Variants in AKAP6 observed in about 807,000 individuals in gnomAD.
AKAP6 encodes the protein A-kinase anchor protein 6.
A neutral mutation model predicts 188.5 loss-of-function variants in AKAP6; 58 were observed. The observed-to-expected ratio is 0.31, with a 90% CI of 0.25 to 0.38. AKAP6 has a LOEUF of 0.38. AKAP6 is among the 10% of genes least tolerant of loss of function. The probability of loss-of-function intolerance (pLI) is 1.00; values close to 1 mark genes in which losing one functional copy is unlikely to be tolerated. For synonymous variants in AKAP6, 989 were observed against 998.6 expected (o/e 0.99, Z 0.18); for missense variants, 2,710 against 2,740.0 (o/e 0.99, Z 0.24).
At chr14:32,597,515 G>A (rs892267549) in intron 5 of AKAP6, among the ~76,000 whole-genome samples, 3 of 152,126 alleles carry the variant, frequency 2.0e-5, no homozygotes, top group Admixed American at 6.6e-5. Flanking sequence ...GTGCAGGCAC[G>A]TTTTGACTAT....
intron 13 of AKAP6, among the ~76,000 whole-genome samples, chr14:32,826,255 A>C (rs1401512096): frequency 6.6e-6 from 1 of 152,186 alleles, no homozygotes. Flanking sequence ...ATATAGCTCA[A>C]CTAATTTTCT....
At chr14:32,784,973 A>G (rs1002027151) in intron 12 of AKAP6, among the ~76,000 whole-genome samples, 2 of 152,078 alleles carry the variant, frequency 1.3e-5, no homozygotes, top group Non-Finnish European at 2.9e-5. Context: ...ATACAAGAAG[A>G]ATCATATAAA....
chr14:32,469,071 A>C (rs1412643271), intron 2 of AKAP6, among the ~76,000 whole-genome samples: 2 of 152,134 alleles, frequency 1.3e-5, no homozygotes, highest in Non-Finnish European at 2.9e-5. Context: ...CTGTTTTGTC[A>C]TACCTCCCTG....
chr14:32,660,926 C>G (rs1040696120), intron 7 of AKAP6, among the ~76,000 whole-genome samples: 2 of 76,536 alleles, frequency 2.6e-5, no homozygotes, highest in Non-Finnish European at 5.0e-5. Context: ...TCCCCGCCAC[C>G]CCCCCCCCTC....
At chr14:32,449,521 C>CAAAAA (rs33960351) in intron 2 of AKAP6, among the ~76,000 whole-genome samples, 4 of 104,604 alleles carry the variant, frequency 3.8e-5, no homozygotes, top group Admixed American at 1.1e-4. Context: ...GACTCCATCT[C>CAAAAA]AAAAAAAAAA....
intron 7 of AKAP6, among the ~76,000 whole-genome samples, chr14:32,603,671 A>G (rs1886021406): frequency 6.6e-6 from 1 of 152,206 alleles, no homozygotes; most frequent in Non-Finnish European, 1.5e-5. Context: ...TGAATAAGAG[A>G]ATGTCTGTTG....
At chr14:32,716,642 A>C (rs2139771016) in intron 9 of AKAP6, among the ~76,000 whole-genome samples, 1 of 144,604 alleles carries the variant, frequency 6.9e-6, no homozygotes, top group Admixed American at 7.1e-5. Context: ...AATGTATATT[A>C]ATTATATATT....
intron 4 of AKAP6, among the ~76,000 whole-genome samples, chr14:32,573,967 A>G (rs1355619789): frequency 6.6e-6 from 1 of 152,208 alleles, no homozygotes; most frequent in Non-Finnish European, 1.5e-5. Flanking sequence ...ACCCGGTGAT[A>G]GTACACAGAT....
chr14:32,348,848 G>A (rs912067208), intron 1 of AKAP6, among the ~76,000 whole-genome samples: 4 of 152,296 alleles, frequency 2.6e-5, no homozygotes, highest in Non-Finnish European at 4.4e-5. Context: ...GAGGTGCCAA[G>A]TGGCCCTAAA....
intron 7 of AKAP6, among the ~76,000 whole-genome samples, chr14:32,606,169 G>T (rs1473268499): frequency 6.6e-6 from 1 of 152,158 alleles, no homozygotes. Flanking sequence ...TCACATCTAA[G>T]AATTGAAAAT....
intron 1 of AKAP6, among the ~76,000 whole-genome samples, chr14:32,401,142 G>A (rs1332793616): frequency 6.6e-6 from 1 of 152,164 alleles, no homozygotes; most frequent in Non-Finnish European, 1.5e-5. Flanking sequence ...GCTAATCTAG[G>A]GTATAGGGGC....
chr14:32,445,207 C>T (rs1036181016), intron 2 of AKAP6, among the ~76,000 whole-genome samples: 1 of 152,126 alleles, frequency 6.6e-6, no homozygotes, highest in Non-Finnish European at 1.5e-5. Context: ...GAAATTCATA[C>T]CTTGGAATAT....
At chr14:32,506,772 A>T (rs556030873) in intron 2 of AKAP6, among the ~76,000 whole-genome samples, 1 of 150,910 alleles carries the variant, frequency 6.6e-6, no homozygotes, top group Non-Finnish European at 1.5e-5. Context: ...ACCTCAAGTG[A>T]TCTGCCCACT....
In AKAP6 at chr14:32,538,031, ATTT is replaced by A. The variant is rs369576382; in HGVS notation, c.576+2229_576+2231del. On this transcript the variant is annotated intron_variant, in intron 3 of 13. Coordinates refer to ENST00000280979, the MANE Select transcript of AKAP6 (RefSeq NM_004274.5). ...AGTCCTGTTGTAGAGATTGCAGAAAATTTTTGTGTGAGGGGTAAAGGAACAGTA... is the reference window on the plus strand; with the variant it reads ...AGTCCTGTTGTAGAGATTGCAGAAAATTGTGTGAGGGGTAAAGGAACAGTA... 6.8e-3 allele frequency among the ~76,000 whole-genome samples: 1,035 copies of A among 152,292 alleles called. 13 individuals carry two copies. The highest frequency in any genetic ancestry group is 0.024 in the African/African-American group (997 of 41,568).
intron 7 of AKAP6, among the ~76,000 whole-genome samples, chr14:32,657,898 G>A (rs1888520529): frequency 1.3e-5 from 2 of 151,996 alleles, no homozygotes; most frequent in Admixed American, 1.3e-4. Flanking sequence ...AATTATCATA[G>A]TAAGGAAAGA....
intron 11 of AKAP6, among the ~76,000 whole-genome samples, chr14:32,744,485 T>A (rs1286010859): frequency 2.0e-5 from 3 of 151,898 alleles, no homozygotes; most frequent in Non-Finnish European, 4.4e-5. Context: ...CCCAGCCAAT[T>A]CTTTGTATCT....
At chr14:32,380,166 A>G (rs926202011) in intron 1 of AKAP6, among the ~76,000 whole-genome samples, 2 of 152,202 alleles carry the variant, frequency 1.3e-5, no homozygotes, top group African/African-American at 4.8e-5. Context: ...CTGTGAGCCT[A>G]TTGCTCCTGG....
chr14:32,389,417 A>G (rs1354223779), intron 1 of AKAP6, among the ~76,000 whole-genome samples: 1 of 149,460 alleles, frequency 6.7e-6, no homozygotes, highest in Non-Finnish European at 1.5e-5. Flanking sequence ...TTTTTTTTTT[A>G]GTTGTATTTT....
intron 4 of AKAP6, among the ~76,000 whole-genome samples, chr14:32,569,018 A>G (rs1400650150): frequency 2.0e-5 from 3 of 152,166 alleles, no homozygotes; most frequent in Non-Finnish European, 2.9e-5. Flanking sequence ...TCCCTTTCCC[A>G]TCATAAGAGT....
Sources: gnomAD v4.1 joint callset for allele counts (sites outside exome capture counted in the v4.1 genomes callset) on GRCh38, gnomAD v4.1.1 for gene constraint, MANE v1.5 for transcripts, NCBI Gene and HGNC (gene_info 2026-07-23, HGNC 2026-07-21) for gene names.